The following PAPPA2 variants were observed in gnomAD, a reference collection of about 807,000 sequenced individuals.
PAPPA2 encodes pappalysin-2.
A neutral mutation model predicts 176.4 loss-of-function variants in PAPPA2; 86 were observed. The ratio of observed to expected loss-of-function variants is 0.49; its 90% CI spans 0.41 to 0.58. The LOEUF (loss-of-function observed/expected upper bound fraction) is 0.58, where lower values mean the gene tolerates loss of function less well. Among genes scored for constraint, PAPPA2 ranks in the 20% least tolerant of loss-of-function variants. The pLI is 0.00. For synonymous variants in PAPPA2, 809 were observed against 852.2 expected (o/e 0.95, Z 0.88); for missense variants, 2,073 against 2,256.9 (o/e 0.92, Z 1.65).
intron 3 of PAPPA2, among the ~76,000 whole-genome samples, chr1:176,603,843 A>G (rs934048761): frequency 6.6e-6 from 1 of 152,164 alleles, no homozygotes; most frequent in Non-Finnish European, 1.5e-5. Flanking sequence ...TTTTTAACAT[A>G]GCAATCAGAG....
chr1:176,688,088 A>G (rs1659933536), intron 4 of PAPPA2, among the ~76,000 whole-genome samples: 1 of 152,236 alleles, frequency 6.6e-6, no homozygotes, highest in South Asian at 2.1e-4. Flanking sequence ...TAAACTTTAT[A>G]GGTGAATTGT....
At chr1:176,565,433 G>A (rs1270817263) in intron 2 of PAPPA2, among the ~76,000 whole-genome samples, 9 of 152,144 alleles carry the variant, frequency 5.9e-5, no homozygotes, top group African/African-American at 1.7e-4. Context: ...AGTGGCTCAC[G>A]CCTGTAAAAC....
intron 3 of PAPPA2, among the ~76,000 whole-genome samples, chr1:176,636,575 T>C (rs1393554960): frequency 6.6e-6 from 1 of 152,174 alleles, no homozygotes; most frequent in Admixed American, 6.6e-5. Flanking sequence ...GATTGCTGAC[T>C]CAAACTTTTT....
chr1:176,553,202 G>T (rs1219976601), intron 1 of PAPPA2, among the ~76,000 whole-genome samples: 1 of 146,546 alleles, frequency 6.8e-6, no homozygotes, highest in Non-Finnish European at 1.5e-5. Flanking sequence ...AAACAGATGG[G>T]ATCATTGTTA....
rs76110680 is a variant in PAPPA2, at chr1:176,587,834, C to T, written c.920-6690C>T. Among the ~76,000 whole-genome samples, 40 of 152,268 alleles carry T rather than the reference C, an allele frequency of 2.6e-4. 1 individual carries two copies. In the East Asian group the frequency reaches 6.4e-3, roughly 24 times the overall value. ...GAGAGCAGCAAACCAACATGGCACA[C>T]GTATACCTATGTAATAAACCTGCAC... On this transcript the variant is annotated intron_variant, in intron 2 of 22. Coordinates refer to ENST00000367662, the MANE Select transcript of PAPPA2 (RefSeq NM_020318.3).
At chr1:176,625,789 A>C (rs1464228792) in intron 3 of PAPPA2, among the ~76,000 whole-genome samples, 1 of 152,164 alleles carries the variant, frequency 6.6e-6, no homozygotes, top group East Asian at 1.9e-4. Context: ...GGGAGGCCAA[A>C]ATGGGAGGAT....
intron 14 of PAPPA2, among the ~76,000 whole-genome samples, chr1:176,752,786 A>G (rs1001612324): frequency 2.6e-5 from 4 of 152,216 alleles, no homozygotes; most frequent in African/African-American, 9.6e-5. Flanking sequence ...TGTTAATCTT[A>G]TCTTCAGGTT....
intron 2 of PAPPA2, 116 bp from the exon 3 acceptor site, chr1:176,594,408 T>G (rs1479302900): frequency 2.2e-5 from 19 of 861,650 alleles, no homozygotes; most frequent in Non-Finnish European, 3.3e-5. Flanking sequence ...GTCGCTTACT[T>G]TATTCCCCAT....
intron 14 of PAPPA2, among the ~76,000 whole-genome samples, chr1:176,764,739 G>A (rs1663866610): frequency 6.6e-6 from 1 of 152,124 alleles, no homozygotes; most frequent in African/African-American, 2.4e-5. Flanking sequence ...TGGGACTACA[G>A]GTGCCTGCAA....
chr1:176,765,979 GA>G, intron 15 of PAPPA2, 142 bp downstream of exon 15: 2 of 980,762 alleles, frequency 2.0e-6, no homozygotes, highest in Non-Finnish European at 2.9e-6. Context: ...CAAGCAGAGA[GA>G]ATGATGGCTT....
chr1:176,595,349 T>A lies in PAPPA2; in HGVS notation c.1745T>A (p.Val582Glu). 1.2e-6 allele frequency: 2 copies of A among 1,614,182 alleles called. No individual in the cohort carries two copies. The highest frequency in any genetic ancestry group is 1.7e-6 in the Non-Finnish European group (2 of 1,180,038). The change falls in exon 3 of 23, where the codon GTG becomes GAG. Residue 582 changes from valine (V) to glutamate (E), a missense_variant. This residue lies in a region of PAPPA2 where 1,196 missense variants were observed against 1,330.4 expected (regional missense o/e 0.90). Transcript: ENST00000367662. ...VHNSTLRHRVVLVNCEPSKIG... is the reference protein window; with the variant it reads ...VHNSTLRHRVELVNCEPSKIG... ...AATTCCACCCTGCGACACCGGGTTG[T>A]GCTTGTGAACTGTGAGCCCAGCAAG...
intron 9 of PAPPA2, among the ~76,000 whole-genome samples, chr1:176,705,084 A>G (rs186919262): frequency 1.3e-5 from 2 of 152,188 alleles, no homozygotes; most frequent in African/African-American, 2.4e-5. Flanking sequence ...GTAGCAAAAC[A>G]TAGATGAAGG....
At chr1:176,689,904 C>T (rs1660025808) in intron 4 of PAPPA2, among the ~76,000 whole-genome samples, 1 of 152,108 alleles carries the variant, frequency 6.6e-6, no homozygotes, top group African/African-American at 2.4e-5. Flanking sequence ...ACATTGCTAT[C>T]CTGGGCCTCT....
At chr1:176,649,907 G>A (rs1657618426) in intron 3 of PAPPA2, among the ~76,000 whole-genome samples, 1 of 151,496 alleles carries the variant, frequency 6.6e-6, no homozygotes, top group Non-Finnish European at 1.5e-5. Context: ...AATGTCAGCT[G>A]GGCATATGTA....
chr1:176,618,690 A>G (rs1026846932), intron 3 of PAPPA2, among the ~76,000 whole-genome samples: 11 of 152,330 alleles, frequency 7.2e-5, no homozygotes, highest in Middle Eastern at 6.8e-3. Context: ...CTGTAAAAGA[A>G]TTTACAGTCT....
chr1:176,781,398 T>G (rs951188200), intron 17 of PAPPA2, among the ~76,000 whole-genome samples: 18 of 101,098 alleles, frequency 1.8e-4, no homozygotes, highest in African/African-American at 1.8e-4. Flanking sequence ...TTTTTTTTTT[T>G]GTCAGGGAAG....
chr1:176,604,607 T>C (rs1219058547), intron 3 of PAPPA2, among the ~76,000 whole-genome samples: 1 of 152,184 alleles, frequency 6.6e-6, no homozygotes, highest in East Asian at 1.9e-4. Flanking sequence ...ACAAAGACCA[T>C]GTGGCCCACA....
intron 1 of PAPPA2, among the ~76,000 whole-genome samples, chr1:176,492,949 T>A (rs1395992593): frequency 2.0e-5 from 3 of 152,146 alleles, no homozygotes; most frequent in Non-Finnish European, 2.9e-5. Flanking sequence ...GAAAATATAT[T>A]TTCTGTTGTG....
chr1:176,753,996 GCT>G (rs920596820), intron 14 of PAPPA2, among the ~76,000 whole-genome samples: 1 of 150,246 alleles, frequency 6.7e-6, no homozygotes, highest in Non-Finnish European at 1.5e-5. Context: ...GGCACAGTGA[GCT>G]ATTTGAGCCT....
Sources: allele counts gnomAD v4.1 joint callset (sites outside exome capture counted in the v4.1 genomes callset), GRCh38; gene constraint gnomAD v4.1.1; regional missense constraint gnomAD v4.1.1; transcripts MANE v1.5; gene names NCBI Gene and HGNC (gene_info 2026-07-23, HGNC 2026-07-21).